ADARB2: variants seen among roughly 807,000 people sequenced by gnomAD.
ADARB2 encodes the protein adenosine deaminase RNA specific B2 (inactive).
Under a neutral mutation model 62.2 loss-of-function variants are expected in ADARB2, and 25 were observed. The ratio of observed to expected loss-of-function variants is 0.40; its 90% CI spans 0.29 to 0.56. The LOEUF is 0.56. Ranked by LOEUF, ADARB2 falls within the 20% of genes least tolerant of loss-of-function variation. ADARB2 has a pLI of 0.43. For synonymous variants in ADARB2, 572 were observed against 500.8 expected, an observed-to-expected ratio of 1.14 and a Z score of -1.90; for missense variants, 1,071 against 1,077.4, an observed-to-expected ratio of 0.99 and a Z score of 0.08.
chr10:1,505,016 AACAC>A (rs1038406493), intron 1 of ADARB2, among the ~76,000 whole-genome samples: 4 of 150,206 alleles, frequency 2.7e-5, no homozygotes, highest in Admixed American at 1.3e-4. Flanking sequence ...ATGATGCACA[AACAC>A]ACAGACACAG....
intron 1 of ADARB2, among the ~76,000 whole-genome samples, chr10:1,427,426 T>C (rs908418105): frequency 2.6e-5 from 4 of 152,206 alleles, no homozygotes; most frequent in Non-Finnish European, 4.4e-5. Context: ...CAAGAAAAGA[T>C]GTTTCACTGA....
intron 1 of ADARB2, among the ~76,000 whole-genome samples, chr10:1,511,724 A>G (rs1486545399): frequency 6.6e-6 from 1 of 151,884 alleles, no homozygotes; most frequent in African/African-American, 2.4e-5. Context: ...CAAGACTTTG[A>G]TACTGTCTAC....
intron 1 of ADARB2, among the ~76,000 whole-genome samples, chr10:1,542,194 A>G (rs1401803302): frequency 6.5e-4 from 9 of 13,796 alleles, no homozygotes; most frequent in African/African-American, 1.0e-3. Flanking sequence ...CGCCCAGACC[A>G]CACTCAGATA....
intron 1 of ADARB2, among the ~76,000 whole-genome samples, chr10:1,583,867 AT>A (rs1262479642): frequency 6.6e-6 from 1 of 152,204 alleles, no homozygotes; most frequent in African/African-American, 2.4e-5. Context: ...ACCCACACAA[AT>A]ACAGGGTTAG....
chr10:1,425,235 T>G (rs556442436), intron 1 of ADARB2, among the ~76,000 whole-genome samples: 1 of 152,188 alleles, frequency 6.6e-6, no homozygotes, highest in Non-Finnish European at 1.5e-5. Flanking sequence ...GCTACTGCAT[T>G]TGATTTCCTG....
At chr10:1,604,134 C>T (rs779226650) in intron 1 of ADARB2, among the ~76,000 whole-genome samples, 1 of 151,992 alleles carries the variant, frequency 6.6e-6, no homozygotes, top group Non-Finnish European at 1.5e-5. Context: ...TCTATCTAGT[C>T]AATACTCAGT....
intron 1 of ADARB2, among the ~76,000 whole-genome samples, chr10:1,656,828 G>C (rs1834177228): frequency 6.6e-6 from 1 of 151,586 alleles, no homozygotes. Context: ...TATCTTCAAG[G>C]CTTATTTATC....
intron 1 of ADARB2, among the ~76,000 whole-genome samples, chr10:1,733,435 G>C (rs1835259009): frequency 6.6e-6 from 1 of 152,000 alleles, no homozygotes; most frequent in African/African-American, 2.4e-5. Flanking sequence ...ATTCACAAAA[G>C]AGAGAAAAAC....
At chr10:1,187,785 C>G (rs1024020900) in intron 8 of ADARB2, 2 of 380,072 alleles carry the variant, frequency 5.3e-6, no homozygotes, top group Non-Finnish European at 5.5e-6. Flanking sequence ...GGTGGGGCAG[C>G]GAGGGAGGCG....
intron 1 of ADARB2, among the ~76,000 whole-genome samples, chr10:1,529,744 T>C (rs1375706470): frequency 6.6e-6 from 1 of 152,166 alleles, no homozygotes; most frequent in Non-Finnish European, 1.5e-5. Context: ...AACTATTGGT[T>C]GTGAGACTTG....
At chr10:1,360,093 C>T (rs542081419) in intron 3 of ADARB2, among the ~76,000 whole-genome samples, 2 of 152,368 alleles carry the variant, frequency 1.3e-5, no homozygotes, top group South Asian at 4.1e-4. Flanking sequence ...TTTTGTGGTC[C>T]TGCACGTGGA....
chr10:1,227,431 C>T (rs992401991), intron 6 of ADARB2, among the ~76,000 whole-genome samples: 3 of 152,212 alleles, frequency 2.0e-5, no homozygotes, highest in Non-Finnish European at 2.9e-5. Flanking sequence ...TACTGTCTGG[C>T]ACTCCCCAGT....
intron 6 of ADARB2, among the ~76,000 whole-genome samples, chr10:1,220,128 G>A (rs1216306100): frequency 2.0e-5 from 3 of 148,416 alleles, no homozygotes; most frequent in African/African-American, 7.5e-5. Context: ...TGATGATGGT[G>A]AAGATAATGA....
In ADARB2 at chr10:1,244,099, C is replaced by T. The variant is rs531765161; in HGVS notation, c.1193-1800G>A. On this transcript the variant is annotated intron_variant, in intron 4 of 9. Coordinates refer to ENST00000381312, the MANE Select transcript of ADARB2 (RefSeq NM_018702.4). ...CGGGGGCTGCCCCCTAGCGGGGGTC[C>T]CAGAAGTTGACGAGCAGATGGGACC... Among the ~76,000 whole-genome samples the T allele has an allele frequency of 2.2e-4, 34 of 152,306 alleles. 1 individual carries two copies. The highest frequency in any genetic ancestry group is 4.1e-4 in the South Asian group (2 of 4,830).
chr10:1,693,691 T>C (rs995516874), intron 1 of ADARB2, among the ~76,000 whole-genome samples: 3 of 152,242 alleles, frequency 2.0e-5, no homozygotes, highest in African/African-American at 7.2e-5. Flanking sequence ...AGCTTCAATA[T>C]AGTGATATTG....
chr10:1,258,435 A>G (rs946848687), intron 4 of ADARB2, among the ~76,000 whole-genome samples: 3 of 152,188 alleles, frequency 2.0e-5, no homozygotes, highest in Non-Finnish European at 2.9e-5. Flanking sequence ...AGAGACACAC[A>G]TAGGCTCAAA....
In ADARB2 at chr10:1,441,269, TA is replaced by T. The variant is rs565346505; in HGVS notation, c.101-62110del. Among the ~76,000 whole-genome samples, 277 of 152,264 alleles carry T rather than the reference TA, an allele frequency of 1.8e-3. 3 individuals are homozygous for T. The highest frequency in any genetic ancestry group is 0.011 in the South Asian group (54 of 4,826). On this transcript the variant is annotated intron_variant, in intron 1 of 9. Transcript: ENST00000381312. ...CAAAATCTTTTACCTGCAACTTATC[TA>T]AAAAAAATTGTTTTTTGGAAAAGCA...
At chr10:1,223,393 T>C (rs566164560) in intron 6 of ADARB2, among the ~76,000 whole-genome samples, 1 of 152,208 alleles carries the variant, frequency 6.6e-6, no homozygotes, top group Non-Finnish European at 1.5e-5. Flanking sequence ...CTTTTTCTAA[T>C]TGAATAACCT....
intron 4 of ADARB2, among the ~76,000 whole-genome samples, chr10:1,267,399 T>G (rs1035710587): frequency 2.0e-5 from 3 of 152,166 alleles, no homozygotes; most frequent in South Asian, 4.1e-4. Flanking sequence ...TTGAGGAAGC[T>G]CTCTATGAGG....
Sources: allele counts gnomAD v4.1 joint callset (sites outside exome capture counted in the v4.1 genomes callset), GRCh38; gene constraint gnomAD v4.1.1; transcripts MANE v1.5; gene names NCBI Gene and HGNC (gene_info 2026-07-23, HGNC 2026-07-21).